Variants in RBFOX1 observed in about 807,000 individuals in gnomAD.
RBFOX1 encodes RNA binding protein fox-1 homolog 1.
Under a neutral mutation model 57.7 loss-of-function variants are expected in RBFOX1, and 8 were observed. The ratio of observed to expected loss-of-function variants is 0.14; its 90% CI spans 0.08 to 0.25. The LOEUF is 0.25. Ranked by LOEUF, RBFOX1 falls within the 10% of genes least tolerant of loss-of-function variation. The probability of loss-of-function intolerance (pLI) is 1.00; values close to 1 mark genes in which losing one functional copy is unlikely to be tolerated. For missense variants in RBFOX1, 611 were observed against 548.5 expected (o/e 1.11, Z -1.14); for synonymous variants, 326 against 222.4 (o/e 1.47, Z -4.15).
intron 2 of RBFOX1, among the ~76,000 whole-genome samples, chr16:6,613,026 TGTGTGTGTGTGTGTGTGA>T (rs2098088416): frequency 1.3e-5 from 2 of 150,042 alleles, no homozygotes; most frequent in East Asian, 2.0e-4. Context: ...TGTGTGTGTG[TGTGTGTGTGTGTGTGTGA>T]GTGTGTGTGT....
intron 2 of RBFOX1, among the ~76,000 whole-genome samples, chr16:6,589,974 C>T (rs2097687796): frequency 2.0e-5 from 3 of 152,112 alleles, no homozygotes; most frequent in African/African-American, 4.8e-5. Flanking sequence ...ACCACAATTT[C>T]CAGTCACTCC....
At chr16:6,873,057 T>A (rs1042457858) in intron 3 of RBFOX1, among the ~76,000 whole-genome samples, 17 of 151,928 alleles carry the variant, frequency 1.1e-4, no homozygotes, top group African/African-American at 4.1e-4. Context: ...TCTGAGGCTA[T>A]GCAAAGCCAC....
chr16:6,802,028 G>A (rs1025444806), intron 3 of RBFOX1, among the ~76,000 whole-genome samples: 5 of 151,958 alleles, frequency 3.3e-5, no homozygotes, highest in Non-Finnish European at 7.4e-5. Flanking sequence ...TTTAGACCCC[G>A]CAATAAACTT....
chr16:7,663,177 T>G (rs974938378), intron 12 of RBFOX1, among the ~76,000 whole-genome samples: 1 of 152,214 alleles, frequency 6.6e-6, no homozygotes, highest in Non-Finnish European at 1.5e-5. Flanking sequence ...TGGCTCTGCC[T>G]TCTGACCCCC....
chr16:7,286,018 G>C lies in RBFOX1; in HGVS notation c.28-232129G>C, dbSNP rs563646928. ...TAGACTGAGTTTTGTTTGTTTGTCT[G>C]CTTGTTTGTATCTTTAATCAGCATA... On this transcript the variant is annotated intron_variant, in intron 4 of 15. Coordinates refer to ENST00000550418, the MANE Select transcript of RBFOX1 (RefSeq NM_018723.4). Among the ~76,000 whole-genome samples, 4 of 152,224 alleles carry C rather than the reference G, an allele frequency of 2.6e-5. No homozygotes were observed. The East Asian group carries it at 5.8e-4, about 22-fold the overall frequency.
intron 3 of RBFOX1, among the ~76,000 whole-genome samples, chr16:5,772,361 C>T (rs1184629328): frequency 6.6e-6 from 1 of 151,156 alleles, no homozygotes; most frequent in African/African-American, 2.4e-5. Flanking sequence ...TTTCACACAC[C>T]CAAATTCCTG....
At chr16:7,154,556 C>A (rs2076710172) in intron 4 of RBFOX1, among the ~76,000 whole-genome samples, 1 of 152,118 alleles carries the variant, frequency 6.6e-6, no homozygotes. Flanking sequence ...GATAGTCTTC[C>A]TCTTGTTAAA....
intron 2 of RBFOX1, among the ~76,000 whole-genome samples, chr16:5,485,349 A>AAAAAAAAAAAAC (rs2069694075): frequency 6.8e-6 from 1 of 147,170 alleles, no homozygotes; most frequent in Admixed American, 6.7e-5. Flanking sequence ...CCGTGTCAAA[A>AAAAAAAAAAAAC]AAAAAAAAAA....
At chr16:5,488,658 T>C (rs1428855117) in intron 2 of RBFOX1, among the ~76,000 whole-genome samples, 3 of 135,418 alleles carry the variant, frequency 2.2e-5, no homozygotes, top group Non-Finnish European at 4.6e-5. Flanking sequence ...ATGATGATTA[T>C]GGGAGATGAT....
At chr16:5,444,063 T>G (rs75086491) in intron 1 of RBFOX1, among the ~76,000 whole-genome samples, 3,866 of 141,934 alleles carry the variant, frequency 0.027, 161 homozygotes, top group African/African-American at 0.096. Flanking sequence ...ACTAATGAAT[T>G]GTTCTGTTTG....
chr16:6,969,020 C>G (rs2084920673), intron 3 of RBFOX1, among the ~76,000 whole-genome samples: 1 of 152,050 alleles, frequency 6.6e-6, no homozygotes, highest in African/African-American at 2.4e-5. Flanking sequence ...GTTAGAATCT[C>G]CCACTTTTTT....
chr16:6,453,704 G>A (rs2094691771), intron 2 of RBFOX1, among the ~76,000 whole-genome samples: 1 of 152,170 alleles, frequency 6.6e-6, no homozygotes, highest in African/African-American at 2.4e-5. Context: ...GACTTTCTAA[G>A]CTTATTGGTT....
At chr16:7,644,982 G>GA (rs2063479547) in intron 11 of RBFOX1, among the ~76,000 whole-genome samples, 2 of 152,230 alleles carry the variant, frequency 1.3e-5, no homozygotes, top group South Asian at 4.1e-4. Context: ...TGAGGCTGGA[G>GA]AAAAAAGAGA....
Position 6,894,059 on chromosome 16 carries a change from C to G in RBFOX1, c.-15-157998C>G, listed in dbSNP as rs150054070. Among the ~76,000 whole-genome samples the G allele has an allele frequency of 7.1e-3, 1,084 of 152,228 alleles. 14 individuals are homozygous for G. Among genetic ancestry groups the G allele is most frequent in the African/African-American group, 0.025 (1,034 of 41,526 alleles). On this transcript the variant is annotated intron_variant, in intron 3 of 15. Transcript: ENST00000550418. ...ATGGGTTTTCTTCCTTTGCATAATA[C>G]TGGATCAATAGATAGATACTGGATC...
intron 1 of RBFOX1, among the ~76,000 whole-genome samples, chr16:6,059,457 T>A (rs534479337): frequency 6.6e-6 from 1 of 152,168 alleles, no homozygotes; most frequent in African/African-American, 2.4e-5. Flanking sequence ...AGAAAATACA[T>A]ATAACATGTA....
intron 3 of RBFOX1, among the ~76,000 whole-genome samples, chr16:6,808,311 C>G (rs1395443256): frequency 1.3e-5 from 2 of 151,900 alleles, no homozygotes; most frequent in Non-Finnish European, 2.9e-5. Flanking sequence ...TCTAATATCA[C>G]CCCACCACTG....
rs370316853 is a variant in RBFOX1 at position 6,632,410 on chromosome 16, T to C, written c.-63-22193T>C. On this transcript the variant is annotated intron_variant, in intron 2 of 15. Transcript: ENST00000550418. ...AAACAGTATGGAGACCAGTTGTGTG[T>C]TGTCATCAGTGACTTACCTGAGAAT... is the stretch of plus-strand genomic sequence containing the variant. Among the ~76,000 whole-genome samples the C allele has an allele frequency of 1.4e-4, 22 of 152,324 alleles. No homozygotes were observed. The East Asian group carries it at 1.7e-3, about 12-fold the overall frequency.
At chr16:5,902,877 C>T (rs1203171524) in intron 4 of RBFOX1, among the ~76,000 whole-genome samples, 2 of 152,154 alleles carry the variant, frequency 1.3e-5, no homozygotes, top group African/African-American at 2.4e-5. Flanking sequence ...TGCTGCTCAC[C>T]TCCAAGCTCT....
At chr16:5,972,311 T>A (rs2059978198) in intron 4 of RBFOX1, among the ~76,000 whole-genome samples, 1 of 152,194 alleles carries the variant, frequency 6.6e-6, no homozygotes, top group Non-Finnish European at 1.5e-5. Flanking sequence ...TTCCATAGGC[T>A]ACACATGGAA....
Sources: allele counts gnomAD v4.1 joint callset (sites outside exome capture counted in the v4.1 genomes callset), GRCh38; gene constraint gnomAD v4.1.1; transcripts MANE v1.5; gene names NCBI Gene and HGNC (gene_info 2026-07-23, HGNC 2026-07-21).